The following REDIC1 variants were observed in gnomAD, a reference collection of about 807,000 sequenced individuals.
The protein encoded by REDIC1 is regulator of DNA class I crossover intermediates 1.
the REDIC1 span, among the ~76,000 whole-genome samples, chr12:39,882,618 T>TGAA: frequency 6.6e-6 from 1 of 152,154 alleles, no homozygotes; most frequent in Admixed American, 6.6e-5. Flanking sequence ...CAGCCTCAGG[T>TGAA]GAAGTCTTGC....
At chr12:39,750,769 C>T in the REDIC1 span, among the ~76,000 whole-genome samples, 1 of 152,128 alleles carries the variant, frequency 6.6e-6, no homozygotes, top group African/African-American at 2.4e-5. Context: ...ACATCTACAA[C>T]CATCTGATCT....
chr12:39,845,062 T>A, the REDIC1 span, among the ~76,000 whole-genome samples: 1 of 152,042 alleles, frequency 6.6e-6, no homozygotes, highest in African/African-American at 2.4e-5. Flanking sequence ...AGAACTTTTA[T>A]CCAAAACTAA....
chr12:39,630,138 AT>A, the REDIC1 span, among the ~76,000 whole-genome samples: 1 of 152,122 alleles, frequency 6.6e-6, no homozygotes, highest in African/African-American at 2.4e-5. Flanking sequence ...TTTGTTTTTA[AT>A]TTTGAAAAGA....
At chr12:39,861,535 G>T in the REDIC1 span, among the ~76,000 whole-genome samples, 1 of 152,140 alleles carries the variant, frequency 6.6e-6, no homozygotes, top group South Asian at 2.1e-4. Flanking sequence ...TGAGGGAAGC[G>T]TACATAGGAA....
chr12:39,839,637 C>T, the REDIC1 span, among the ~76,000 whole-genome samples: 2 of 152,044 alleles, frequency 1.3e-5, no homozygotes, highest in Non-Finnish European at 1.5e-5. Context: ...TTTCTCCCAC[C>T]TCTCAGATAG....
chr12:39,680,768 G>GCACACA, the REDIC1 span, among the ~76,000 whole-genome samples: 70 of 149,806 alleles, frequency 4.7e-4, no homozygotes, highest in South Asian at 2.3e-3. Context: ...AAATACATAC[G>GCACACA]CACACACACA....
At chr12:39,660,813 T>A in the REDIC1 span, among the ~76,000 whole-genome samples, 1 of 152,134 alleles carries the variant, frequency 6.6e-6, no homozygotes, top group African/African-American at 2.4e-5. Context: ...CTCCCTTCCC[T>A]CTGCACACAT....
the REDIC1 span, among the ~76,000 whole-genome samples, chr12:39,830,648 C>G: frequency 6.8e-3 from 1,037 of 152,218 alleles, 9 homozygotes; most frequent in Middle Eastern, 0.014. Context: ...CATACACCAT[C>G]TATTTTAAAA....
the REDIC1 span, among the ~76,000 whole-genome samples, chr12:39,712,411 CGTATATACATACGT>C: frequency 3.2e-5 from 4 of 125,272 alleles, no homozygotes; most frequent in African/African-American, 1.1e-4. Context: ...TATATACATA[CGTATATACATACGT>C]ATATATACAT....
the REDIC1 span, chr12:39,691,988 A>G: frequency 7.2e-7 from 1 of 1,384,508 alleles, no homozygotes; most frequent in Non-Finnish European, 9.8e-7. Flanking sequence ...TAAATAAGGT[A>G]GATATAAGTG....
chr12:39,823,734 C>T, the REDIC1 span, among the ~76,000 whole-genome samples: 5 of 152,152 alleles, frequency 3.3e-5, no homozygotes, highest in Non-Finnish European at 7.3e-5. Flanking sequence ...CAGGAATGTG[C>T]CACCTCACCT....
At chr12:39,717,227 C>G in the REDIC1 span, among the ~76,000 whole-genome samples, 1 of 151,196 alleles carries the variant, frequency 6.6e-6, no homozygotes, top group Admixed American at 6.6e-5. Context: ...GGGATGCTGC[C>G]CAGTCAGAAA....
the REDIC1 span, among the ~76,000 whole-genome samples, chr12:39,726,275 T>A: frequency 2.0e-5 from 3 of 152,100 alleles, no homozygotes; most frequent in East Asian, 5.8e-4. Flanking sequence ...ACCAGTCATC[T>A]ACATTAGGTA....
the REDIC1 span, among the ~76,000 whole-genome samples, chr12:39,844,561 T>C: frequency 6.6e-6 from 1 of 152,058 alleles, no homozygotes; most frequent in Non-Finnish European, 1.5e-5. Context: ...TCATAACATA[T>C]AAAATATAAA....
the REDIC1 span, among the ~76,000 whole-genome samples, chr12:39,813,439 ACCTCTCCTGGGTTACTCTGAAG>A: frequency 6.6e-6 from 1 of 151,948 alleles, no homozygotes; most frequent in Non-Finnish European, 1.5e-5. Flanking sequence ...CACTTAATCC[ACCTCTCCTGGGTTACTCTGAAG>A]CAAATTTCAG....
the REDIC1 span, among the ~76,000 whole-genome samples, chr12:39,747,834 A>G: frequency 2.0e-5 from 3 of 152,342 alleles, no homozygotes; most frequent in East Asian, 3.9e-4. Flanking sequence ...ACTAAGCTTC[A>G]TAAGTGAAGG....
the REDIC1 span, among the ~76,000 whole-genome samples, chr12:39,798,263 TGA>T: frequency 6.6e-6 from 1 of 152,296 alleles, no homozygotes; most frequent in South Asian, 2.1e-4. Flanking sequence ...TGCAATCTCA[TGA>T]GAGATACCAC....
At chr12:39,851,364 G>T in the REDIC1 span, among the ~76,000 whole-genome samples, 1 of 152,122 alleles carries the variant, frequency 6.6e-6, no homozygotes, top group Non-Finnish European at 1.5e-5. Context: ...ATATTAGGCT[G>T]AAGAAAAACA....
chr12:39,735,796 T>C, the REDIC1 span, among the ~76,000 whole-genome samples: 1 of 152,230 alleles, frequency 6.6e-6, no homozygotes, highest in South Asian at 2.1e-4. Flanking sequence ...CAATAGGGCT[T>C]TTAAGAATGT....
Sources: gnomAD v4.1 joint callset for allele counts (sites outside exome capture counted in the v4.1 genomes callset) on GRCh38, gnomAD v4.1.1 for gene constraint, MANE v1.5 for transcripts, NCBI Gene and HGNC (gene_info 2026-07-23, HGNC 2026-07-21) for gene names.